The following BRAP variants were observed in gnomAD, a reference collection of about 807,000 sequenced individuals.
The protein encoded by BRAP is BRCA1 associated protein.
In BRAP, 42 loss-of-function variants were observed where a neutral mutation model predicts 73.4. That is an observed-to-expected ratio of 0.57 (90% CI 0.45 to 0.74). The LOEUF (loss-of-function observed/expected upper bound fraction) is 0.74. Ranked by LOEUF, BRAP falls within the 30% of genes least tolerant of loss-of-function variation. The pLI is 0.00. For missense variants in BRAP, 593 were observed against 751.4 expected, an observed-to-expected ratio of 0.79 and a Z score of 2.46; for synonymous variants, 255 against 267.4, an observed-to-expected ratio of 0.95 and a Z score of 0.45.
chr12:111,649,532 T>C (rs1334806663), intron 11 of BRAP, among the ~76,000 whole-genome samples: 2 of 152,260 alleles, frequency 1.3e-5, no homozygotes, highest in Non-Finnish European at 2.9e-5. Context: ...CATGAGTTTT[T>C]TGCTCCATAT....
At chr12:111,666,363 AT>A (rs1886943373) in intron 5 of BRAP, among the ~76,000 whole-genome samples, 1 of 152,212 alleles carries the variant, frequency 6.6e-6, no homozygotes, top group Admixed American at 6.5e-5. Flanking sequence ...GACCTGAAGG[AT>A]TTTTCCATAG....
intron 11 of BRAP, among the ~76,000 whole-genome samples, chr12:111,644,969 C>G (rs1440450959): frequency 6.6e-6 from 1 of 152,046 alleles, no homozygotes; most frequent in African/African-American, 2.4e-5. Flanking sequence ...GTTGGCCAGG[C>G]TGGTCTTGAA....
rs760873725 is a variant in BRAP at position 111,644,362 on chromosome 12, T to C, written c.1616A>G (p.Tyr539Cys). 7 of 1,613,716 alleles carry C rather than the reference T, an allele frequency of 4.3e-6. No homozygotes were observed. The highest frequency in any genetic ancestry group is 5.9e-6 in the Non-Finnish European group (7 of 1,179,962). Residue 539 changes from tyrosine (Y) to cysteine (C), a missense_variant, in exon 12 of 12, where the codon TAC becomes TGC. Physicochemically the swap from Tyr to Cys is radical, Grantham distance 194 (BLOSUM62 -2). Around this residue, in one of 4 missense-constraint regions of BRAP, gnomAD observed 143 missense variants for 190.4 expected, o/e 0.75. Transcript: ENST00000419234. Reference sequence around the variant, plus strand: ...GTTGATCTTCTGCTGTGTCTCCAGGTAGAACATGACGTCACGCAGCTGCTC... The same window carrying C: ...GTTGATCTTCTGCTGTGTCTCCAGGCAGAACATGACGTCACGCAGCTGCTC... ...IQEQLRDVMF[Y>C]LETQQKINHL...
chr12:111,659,171 G>A (rs746234404), intron 8 of BRAP, 36 bp downstream of exon 8: 4 of 1,600,970 alleles, frequency 2.5e-6, no homozygotes, highest in Non-Finnish European at 2.6e-6. Flanking sequence ...TTTCCACACA[G>A]AATGAGTCCA....
At chr12:111,664,767 C>T (rs1232118023) in intron 6 of BRAP, among the ~76,000 whole-genome samples, 2 of 152,194 alleles carry the variant, frequency 1.3e-5, no homozygotes, top group Non-Finnish European at 2.9e-5. Flanking sequence ...CTCCTCACTT[C>T]TGTGCTTGGG....
At chr12:111,683,441 T>C in intron 1 of BRAP, 134 bp from the exon 2 acceptor site, 2 of 1,016,014 alleles carry the variant, frequency 2.0e-6, no homozygotes, top group South Asian at 3.4e-5. Context: ...GTAGTATCCA[T>C]CTCACTCAAC....
chr12:111,659,525 C>G (rs901221707), intron 7 of BRAP, among the ~76,000 whole-genome samples, 180 bp from the exon 8 acceptor site: 1 of 152,134 alleles, frequency 6.6e-6, no homozygotes, highest in Non-Finnish European at 1.5e-5. Flanking sequence ...GTGGTGGCAG[C>G]TGCCTGTAAT....
chr12:111,667,717 A>AAAAAAAAAAAAAAAAAAAAAAC (rs1887005938), intron 5 of BRAP, among the ~76,000 whole-genome samples: 1 of 148,266 alleles, frequency 6.7e-6, no homozygotes, highest in South Asian at 2.1e-4. Flanking sequence ...AAAAAAAAAA[A>AAAAAAAAAAAAAAAAAAAAAAC]AAAAGCTCAT....
chr12:111,653,998 C>CTT (rs1566112738), intron 10 of BRAP, among the ~76,000 whole-genome samples: 1 of 152,186 alleles, frequency 6.6e-6, no homozygotes, highest in African/African-American at 2.4e-5. Context: ...GAATCCTGAG[C>CTT]TTAGCTTCAA....
chr12:111,666,324 T>C (rs1274508369), intron 5 of BRAP, among the ~76,000 whole-genome samples: 3 of 152,204 alleles, frequency 2.0e-5, no homozygotes, highest in Non-Finnish European at 2.9e-5. Context: ...ACGACTATAA[T>C]AGAACACAAA....
At chr12:111,656,067 C>G (rs1886519788) in intron 9 of BRAP, among the ~76,000 whole-genome samples, 1 of 152,192 alleles carries the variant, frequency 6.6e-6, no homozygotes, top group African/African-American at 2.4e-5. Context: ...TCAGTAACAG[C>G]ACTCAGGACA....
In BRAP at chr12:111,659,211, A is replaced by G; in HGVS notation, c.1107T>C (p.Ala369=). 6.2e-7 allele frequency: 1 copy of G among 1,613,964 alleles called. No homozygotes were observed. Among genetic ancestry groups the G allele is most frequent in the Non-Finnish European group, 8.5e-7 (1 of 1,179,932 alleles). ...AGAAAAGAGAGTGGTATTCACCTCC[A>G]GCATAGTCCCAGACTCGATGGTTGG... is the stretch of plus-strand genomic sequence containing the variant. The part of the protein sequence containing the change: ...QLTNHRVWDY[A]GDNYVHRLVA... The change falls in exon 8 of 12, where the codon GCT becomes GCC. Residue 369 remains alanine, a synonymous_variant. Transcript: ENST00000419234.
intron 5 of BRAP, among the ~76,000 whole-genome samples, chr12:111,671,013 T>C (rs1887148814): frequency 1.3e-5 from 2 of 152,140 alleles, no homozygotes; most frequent in African/African-American, 4.8e-5. Context: ...GGCACGAGAA[T>C]TGCCTGAACC....
intron 1 of BRAP, among the ~76,000 whole-genome samples, chr12:111,685,186 T>C (rs1322051150): frequency 2.0e-5 from 3 of 152,208 alleles, no homozygotes; most frequent in African/African-American, 7.2e-5. Context: ...GTGTAAGAGG[T>C]ACATGTCACA....
intron 4 of BRAP, among the ~76,000 whole-genome samples, chr12:111,675,699 C>T (rs1887352623): frequency 6.6e-6 from 1 of 151,746 alleles, no homozygotes; most frequent in African/African-American, 2.4e-5. Flanking sequence ...TCCCTCTAGT[C>T]CTTTGGTTTT....
At chr12:111,664,466 T>C (rs948239277) in intron 6 of BRAP, among the ~76,000 whole-genome samples, 1 of 152,212 alleles carries the variant, frequency 6.6e-6, no homozygotes, top group African/African-American at 2.4e-5. Context: ...TCAAGGCAAC[T>C]GGACAATTCC....
chr12:111,667,074 C>A (rs1886972343), intron 5 of BRAP, among the ~76,000 whole-genome samples: 1 of 152,012 alleles, frequency 6.6e-6, no homozygotes, highest in South Asian at 2.1e-4. Context: ...GGAAAATGGA[C>A]AAAAATTGAT....
chr12:111,684,262 G>C (rs1316861031), intron 1 of BRAP, among the ~76,000 whole-genome samples: 2 of 152,156 alleles, frequency 1.3e-5, no homozygotes, highest in African/African-American at 4.8e-5. Context: ...ATGAATAAAT[G>C]ACTACATGAC....
At position 111,642,542 on chromosome 12, in the gene BRAP, T is replaced by G. The variant is rs528193232; in HGVS notation, c.*1657A>C. The G allele has an allele frequency of 6.6e-6, 1 of 152,278 alleles. No homozygotes were observed. The highest frequency in any genetic ancestry group is 2.4e-5 in the African/African-American group (1 of 41,554). The allele number at this position is 152,278 out of a possible 1,614,324, so 9.4% of individuals were successfully genotyped here. On this transcript the variant is annotated 3_prime_UTR_variant, in exon 12 of 12. Coordinates refer to ENST00000419234, the MANE Select transcript of BRAP (RefSeq NM_006768.5). ...TGTAAACTACTTCTAATTCTCTTCA[T>G]TAGTATGCTATGATCCACCCCAGCT... is the stretch of plus-strand genomic sequence containing the variant.
Sources: gnomAD v4.1 joint callset for allele counts (sites outside exome capture counted in the v4.1 genomes callset) on GRCh38, gnomAD v4.1.1 for gene constraint, gnomAD v4.1.1 regional missense constraint, MANE v1.5 for transcripts, NCBI Gene and HGNC (gene_info 2026-07-23, HGNC 2026-07-21) for gene names.